WDR81: variants seen among roughly 807,000 people sequenced by gnomAD.
WDR81 encodes WD repeat-containing protein 81.
A neutral mutation model predicts 140.8 loss-of-function variants in WDR81; 92 were observed. That is an observed-to-expected ratio of 0.65 (90% CI 0.55 to 0.78). WDR81 has a LOEUF of 0.78. Ranked by LOEUF, WDR81 falls within the 30% of genes least tolerant of loss-of-function variation. The pLI is 0.00. For synonymous variants in WDR81, 1,183 were observed against 1,156.4 expected, an observed-to-expected ratio of 1.02 and a Z score of -0.47; for missense variants, 2,502 against 2,636.4, an observed-to-expected ratio of 0.95 and a Z score of 1.12.
Position 1,733,760 on chromosome 17 carries a change from C to G in WDR81, c.4723C>G (p.Arg1575Gly), listed in dbSNP as rs543240690. The G allele has an allele frequency of 3.6e-5, 58 of 1,612,452 alleles. No homozygotes were observed. The highest frequency in any genetic ancestry group is 8.5e-7 in the Non-Finnish European group (1 of 1,179,806). ...CCGCATTCAGATCCCCAATGACTCT[C>G]GGCCTGAGAACCCCGGACCACTGGG... is the stretch of plus-strand genomic sequence containing the variant. The part of the protein sequence containing the change: ...GNRIQIPNDS[R>G]PENPGPLGPI... The change falls in exon 7 of 10, where the codon CGG becomes GGG. Residue 1575 changes from arginine to glycine, a missense_variant. Around this residue, in one of 3 missense-constraint regions of WDR81, gnomAD observed 1,737 missense variants for 1,843.0 expected, o/e 0.94. Coordinates refer to ENST00000409644, the MANE Select transcript of WDR81 (RefSeq NM_001163809.2).
Position 1,735,878 on chromosome 17 carries a change from A to T in WDR81, c.5325+161A>T. On this transcript the variant is annotated intron_variant, in intron 8 of 9. Coordinates refer to ENST00000409644, the MANE Select transcript of WDR81 (RefSeq NM_001163809.2). The surrounding 1 kb of genome is among the most constrained non-coding windows in gnomAD (Gnocchi z 4.2). ...ACAGCCACACATCCTGCGGGGCAGG[A>T]CTCTGGCCTGTGATGGGGGTGGGGT... 3 of 1,362,976 alleles carry T rather than the reference A, an allele frequency of 2.2e-6. No homozygotes were observed. The highest frequency in any genetic ancestry group is 1.5e-5 in the South Asian group (1 of 68,614). 84.4% of individuals were successfully genotyped at this position (1,362,976 alleles called of 1,614,324 possible). A position where few individuals can be genotyped will look rare whatever the true frequency, so the allele number is the denominator to read the frequency against.
upstream of WDR81, among the ~76,000 whole-genome samples, chr17:1,721,821 T>TAA (rs59760249): frequency 3.2e-5 from 4 of 124,796 alleles, no homozygotes; most frequent in Admixed American, 8.2e-5. Context: ...GACTCTGTCT[T>TAA]AAAAAAAAAA....
chr17:1,725,777 C>T lies in WDR81; in HGVS notation c.818C>T (p.Ala273Val). The T allele has an allele frequency of 6.4e-7, 1 of 1,550,642 alleles. No individual in the cohort carries two copies. The highest frequency in any genetic ancestry group is 8.7e-7 in the Non-Finnish European group (1 of 1,147,020). The change falls in exon 1 of 10, where the codon GCC (alanine) becomes GTC (valine). Residue 273 changes from alanine (A) to valine (V), a missense_variant. Physicochemically the swap from Ala to Val is moderately conservative, Grantham distance 64. Around this residue, in one of 3 missense-constraint regions of WDR81, gnomAD observed 547 missense variants for 513.8 expected, o/e 1.06. Coordinates refer to ENST00000409644, the MANE Select transcript of WDR81 (RefSeq NM_001163809.2). ...ILFRVLRAMD[A>V]CHRQGLACGA... ...TTCCGCGTGCTGAGGGCTATGGACG[C>T]CTGTCACCGCCAGGGGCTGGCGTGT...
In WDR81 at chr17:1,727,501, T is replaced by C. The variant is rs1446025391; in HGVS notation, c.2542T>C (p.Tyr848His). Reference sequence around the variant, plus strand: ...GGGCAAGCTGGACCAACTGTTTGAGTACAGGCCTGTCTCCCAGGGCCTGCC... The same window carrying C: ...GGGCAAGCTGGACCAACTGTTTGAGCACAGGCCTGTCTCCCAGGGCCTGCC... ...ERGKLDQLFE[Y>H]RPVSQGLPPP... The change falls in exon 1 of 10, where the codon TAC becomes CAC. Residue 848 changes from tyrosine (Y) to histidine (H), a missense_variant. By Grantham distance (83) the Tyr-to-His change is moderately conservative. Transcript: ENST00000409644. 8.4e-6 allele frequency: 13 copies of C among 1,550,206 alleles called. No homozygotes were observed. The highest frequency in any genetic ancestry group is 1.1e-5 in the Non-Finnish European group (13 of 1,146,982).
upstream of WDR81, among the ~76,000 whole-genome samples, chr17:1,723,419 TTTTA>T (rs1055596132): frequency 1.3e-4 from 20 of 148,946 alleles, no homozygotes; most frequent in African/African-American, 2.2e-4. Flanking sequence ...ATTTATTTAT[TTTTA>T]TTTATTTATT....
intron 7 of WDR81, among the ~76,000 whole-genome samples, chr17:1,734,996 G>C (rs1904732306): frequency 6.6e-6 from 1 of 152,018 alleles, no homozygotes; most frequent in Non-Finnish European, 1.5e-5. Context: ...GCCTGGCCGG[G>C]CCATGGAAGC....
Position 1,726,446 on chromosome 17 carries a change from A to T in WDR81, c.1487A>T (p.Tyr496Phe), listed in dbSNP as rs980837045. 6.5e-7 allele frequency: 1 copy of T among 1,550,364 alleles called. No homozygotes were observed. Among genetic ancestry groups the T allele is most frequent in the Non-Finnish European group, 8.7e-7 (1 of 1,146,958 alleles). The change falls in exon 1 of 10, where the codon TAC becomes TTC. Residue 496 changes from tyrosine (Y) to phenylalanine (F), a missense_variant. This residue lies in a region of WDR81 where 218 missense variants were observed against 279.6 expected (regional missense o/e 0.78). Transcript: ENST00000409644. ...CCGGATGAGTGCATTCCGGAGTTCTACACCGATCCCTCTATCTTCCGCTCC... is the reference window on the plus strand; with the variant it reads ...CCGGATGAGTGCATTCCGGAGTTCTTCACCGATCCCTCTATCTTCCGCTCC... Reference protein sequence around the residue: ...WTPDECIPEFYTDPSIFRSIH... With the variant: ...WTPDECIPEFFTDPSIFRSIH...
At position 1,732,989 on chromosome 17, in the gene WDR81, G is replaced by C. The variant is rs552042032; in HGVS notation, c.4489+158G>C. 9.8e-5 allele frequency: 88 copies of C among 900,418 alleles called. No homozygotes were observed. In the African/African-American group the frequency reaches 1.2e-3, roughly 12 times the overall value. The allele number at this position is 900,418 out of a possible 1,614,324, so 55.8% of individuals were successfully genotyped here. A position where few individuals can be genotyped will look rare whatever the true frequency, so the allele number is the denominator to read the frequency against. On this transcript the variant is annotated intron_variant, in intron 6 of 9. Coordinates refer to ENST00000409644, the MANE Select transcript of WDR81 (RefSeq NM_001163809.2). The stretch of plus-strand genomic sequence containing the variant: ...TTGGCCTCAGACCCCTACCCCCAAG[G>C]TGACACACAAACAAGGACTGAGCAG...
Position 1,725,436 on chromosome 17 carries a change from C to T in WDR81, c.477C>T (p.Gly159=), listed in dbSNP as rs1597285351. ...GGCGCCATGCATACCACACTTACGG[C>T]CAGCCGTACAGTCACAGCCCTGCCC... ...NLWRHAYHTY[G]QPYSHSPAPS... is the part of the protein sequence containing the mutation. Residue 159 remains glycine, a synonymous_variant, in exon 1 of 10, where the codon GGC becomes GGT. Coordinates refer to ENST00000409644, the MANE Select transcript of WDR81 (RefSeq NM_001163809.2). The T allele has an allele frequency of 6.5e-7, 1 of 1,549,456 alleles. No individual in the cohort carries two copies. The highest frequency in any genetic ancestry group is 2.4e-5 in the East Asian group (1 of 40,926).
Position 1,726,352 on chromosome 17 carries a change from G to T in WDR81, c.1393G>T (p.Gly465Ter). The change falls in exon 1 of 10, where the codon GGA (glycine) becomes TGA (stop). Residue 465 changes from glycine to a stop codon, truncating the protein, a stop_gained. Transcript: ENST00000409644. LOFTEE classifies it high-confidence loss of function. ...ARRTPRSVLC[G>*]HVRAQWEPHE... is the part of the protein sequence containing the mutation. The stretch of plus-strand genomic sequence containing the variant: ...GCGCACGCCTCGGTCGGTGCTCTGC[G>T]GACACGTCCGCGCGCAGTGGGAGCC... 1 of 1,547,532 alleles carries T rather than the reference G, an allele frequency of 6.5e-7. No homozygotes were observed. Among genetic ancestry groups the T allele is most frequent in the Non-Finnish European group, 8.7e-7 (1 of 1,145,026 alleles).
In WDR81 at chr17:1,724,766, G is replaced by C; in HGVS notation, c.-194G>C. The C allele has an allele frequency of 2.6e-6, 3 of 1,149,984 alleles. No homozygotes were observed. The highest frequency in any genetic ancestry group is 3.6e-4 in the Middle Eastern group (1 of 2,790). The allele number at this position is 1,149,984 out of a possible 1,614,324, so 71.2% of individuals were successfully genotyped here. ...GGCAGCCTCTGCCCCGCCGCGCCCG[G>C]AGCGCAGGACCCGCGGAGGGGTAAG... On this transcript the variant is annotated 5_prime_UTR_variant, in exon 1 of 10. Transcript: ENST00000409644.
In WDR81 at chr17:1,733,894, G is replaced by A. The variant is rs778698703; in HGVS notation, c.4857G>A (p.Ala1619=). The A allele has an allele frequency of 1.0e-4, 164 of 1,612,654 alleles. No individual in the cohort carries two copies. The highest frequency in any genetic ancestry group is 1.3e-4 in the Non-Finnish European group (152 of 1,179,966). ...SVHGLSGNWL[A]YWQYEIGVSQ... is the part of the protein sequence containing the mutation. ...ACGGGCTGAGCGGAAACTGGCTGGC[G>A]TACTGGCAGTACGAGATCGGCGTGA... Residue 1619 remains alanine, a synonymous_variant, in exon 7 of 10, where the codon GCG becomes GCA. Transcript: ENST00000409644.
chr17:1,737,557 C>T lies in WDR81; in HGVS notation c.5698C>T (p.Pro1900Ser), dbSNP rs1323859649. The change falls in exon 10 of 10, where the codon CCC becomes TCC. Residue 1900 changes from proline to serine, a missense_variant. By Grantham distance (74) the Pro-to-Ser change is moderately conservative (BLOSUM62 -1). This residue lies in a region of WDR81 where 1,737 missense variants were observed against 1,843.0 expected (regional missense o/e 0.94). Transcript: ENST00000409644. ...TGGCGTCTGCTCCCTGCTTGAGCCA[C>T]CCTCGCAGGCCACCACGAAGCTCAG... ...KIGVCSLLEP[P>S]SQATTKLSSE... 1 of 1,612,848 alleles carries T rather than the reference C, an allele frequency of 6.2e-7. No homozygotes were observed. Among genetic ancestry groups the T allele is most frequent in the African/African-American group, 1.3e-5 (1 of 74,944 alleles).
chr17:1,736,156 A>G lies in WDR81; in HGVS notation c.5443A>G (p.Thr1815Ala), dbSNP rs1156695738. 6.2e-7 allele frequency: 1 copy of G among 1,601,158 alleles called. No homozygotes were observed. ...FSSGFMVLLD[T>A]RTGLVLRGWP... ...CTCAGGCTTCATGGTGCTCCTGGAC[A>G]CCCGCACAGGCCTGGTTCTGCGAGG... Residue 1815 changes from threonine to alanine, a missense_variant, in exon 9 of 10, where the codon ACC becomes GCC. By Grantham distance (58) the Thr-to-Ala change is moderately conservative. Transcript: ENST00000409644.
chr17:1,721,889 C>G (rs1355021336), upstream of WDR81, among the ~76,000 whole-genome samples: 1 of 151,030 alleles, frequency 6.6e-6, no homozygotes, highest in Non-Finnish European at 1.5e-5. Context: ...TTTGGAAGGC[C>G]AAGGCAGGCA....
chr17:1,725,012 G>A lies in WDR81; in HGVS notation c.53G>A (p.Gly18Asp). 3 of 1,472,276 alleles carry A rather than the reference G, an allele frequency of 2.0e-6. No individual in the cohort carries two copies. The highest frequency in any genetic ancestry group is 1.8e-6 in the Non-Finnish European group (2 of 1,114,072). The allele number at this position is 1,472,276 out of a possible 1,614,324, so 91.2% of individuals were successfully genotyped here. A position where few individuals can be genotyped will look rare whatever the true frequency, so the allele number is the denominator to read the frequency against. Residue 18 changes from glycine (G) to aspartate (D), a missense_variant, in exon 1 of 10, where the codon GGC (glycine) becomes GAC (aspartate). By Grantham distance (94) the Gly-to-Asp change is moderately conservative (BLOSUM62 -1). Around this residue, in one of 3 missense-constraint regions of WDR81, gnomAD observed 547 missense variants for 513.8 expected, o/e 1.06. Transcript: ENST00000409644. Reference sequence around the variant, plus strand: ...GGCGCTCTCAGAACCCCGGCCGGGGGCTGGCATTCCCCGCCAAGCCCAGAC... The same window carrying A: ...GGCGCTCTCAGAACCCCGGCCGGGGACTGGCATTCCCCGCCAAGCCCAGAC... ...REGALRTPAGGWHSPPSPDMQ... is the reference protein window; with the variant it reads ...REGALRTPAGDWHSPPSPDMQ...
Position 1,725,716 on chromosome 17 carries a change from C to G in WDR81, c.757C>G (p.Leu253Val), listed in dbSNP as rs2151161544. 1.3e-6 allele frequency: 2 copies of G among 1,550,318 alleles called. No individual in the cohort carries two copies. The highest frequency in any genetic ancestry group is 2.4e-5 in the East Asian group (1 of 40,924). Residue 253 changes from leucine to valine, a missense_variant, in exon 1 of 10, where the codon CTG becomes GTG. Leu to Val is a conservative substitution (Grantham distance 32, BLOSUM62 1). This residue lies in a region of WDR81 where 547 missense variants were observed against 513.8 expected (regional missense o/e 1.06). Transcript: ENST00000409644. ...CGTGGTCACCTTCAGCCCTGCCAAG[C>G]TGACCAACAGCCAGGCCAAGGTGCT... The part of the protein sequence containing the change: ...HDVVTFSPAK[L>V]TNSQAKVLFI...
rs117022317 is a variant in WDR81, at chr17:1,737,955, G to A, written c.*270G>A. The A allele has an allele frequency of 0.011, 6,218 of 562,712 alleles. 55 individuals are homozygous for A. Among genetic ancestry groups the A allele is most frequent in the Middle Eastern group, 0.018 (38 of 2,138 alleles). The allele number at this position is 562,712 out of a possible 1,614,324, so 34.9% of individuals were successfully genotyped here. ...CAGGAAGTTAAGAGCAGGAGGAAGCGTTGCTACCTTCACTTCTCCCCAGCT... is the reference window on the plus strand; with the variant it reads ...CAGGAAGTTAAGAGCAGGAGGAAGCATTGCTACCTTCACTTCTCCCCAGCT... On this transcript the variant is annotated 3_prime_UTR_variant, in exon 10 of 10. Transcript: ENST00000409644.
intron 1 of WDR81, among the ~76,000 whole-genome samples, chr17:1,729,677 G>A (rs1192069462): frequency 4.0e-5 from 6 of 151,418 alleles, no homozygotes; most frequent in Non-Finnish European, 5.9e-5. Flanking sequence ...GAAGAGAAGC[G>A]GGGGACCGGG....
Sources: gnomAD v4.1 joint callset for allele counts (sites outside exome capture counted in the v4.1 genomes callset) on GRCh38, gnomAD v4.1.1 for gene constraint, gnomAD v4.1.1 regional missense constraint, Gnocchi (gnomAD v3.1) non-coding constraint, MANE v1.5 for transcripts, NCBI Gene and HGNC (gene_info 2026-07-23, HGNC 2026-07-21) for gene names.